The following ENOX2 variants were observed in gnomAD, a reference collection of about 807,000 sequenced individuals.
ENOX2 encodes APK1 antigen.
ENOX2 carries 36 observed loss-of-function variants against 45.0 expected under a neutral mutation model. That is an observed-to-expected ratio of 0.80 (90% CI 0.61 to 1.06). ENOX2 has a LOEUF of 1.06. Ranked by LOEUF, ENOX2 falls within the 50% of genes least tolerant of loss-of-function variation. ENOX2 has a pLI of 0.00. For synonymous variants in ENOX2, 174 were observed against 152.3 expected (o/e 1.14, Z -1.05); for missense variants, 423 against 462.5 (o/e 0.91, Z 0.78).
intron 3 of ENOX2, among the ~76,000 whole-genome samples, chrX:130,724,490 T>A (rs1475974087): frequency 8.9e-6 from 1 of 112,905 alleles, no homozygotes; most frequent in Non-Finnish European, 1.9e-5. Flanking sequence ...ATCCTACCCA[T>A]GGAGCCTGTG....
At chrX:130,795,184 C>G (rs2077102118) in intron 2 of ENOX2, among the ~76,000 whole-genome samples, 1 of 111,956 alleles carries the variant, frequency 8.9e-6, no homozygotes, top group Admixed American at 9.5e-5. Context: ...CTAATGCATC[C>G]TTAAAGATCC....
intron 3 of ENOX2, among the ~76,000 whole-genome samples, chrX:130,742,934 T>G (rs181344157): frequency 8.9e-6 from 1 of 112,031 alleles, no homozygotes; most frequent in African/African-American, 3.2e-5. Flanking sequence ...TCAAACCACA[T>G]GGATTCAAGA....
At chrX:130,709,185 G>A in intron 3 of ENOX2, 2 of 1,009,823 alleles carry the variant, frequency 2.0e-6, no homozygotes, top group South Asian at 1.9e-5. Context: ...GCCAATAAGT[G>A]TGTTTTTAAA....
chrX:130,711,762 C>T (rs111270623), intron 3 of ENOX2, among the ~76,000 whole-genome samples: 1,768 of 111,308 alleles, frequency 0.016, 11 homozygotes, highest in South Asian at 0.023. Context: ...TTGTTTTAGT[C>T]TATAAGCTAG....
rs5977341 is a variant in ENOX2, at chrX:130,667,761, T to G, written c.695-19A>C. The stretch of plus-strand genomic sequence containing the variant: ...GAATCATCTGAAAAAAATATATTTT[T>G]ATAACCAACAAAGGTAACCAAATTT... On this transcript the variant is annotated intron_variant, in intron 7 of 14. Coordinates refer to ENST00000394363, the MANE Select transcript of ENOX2 (RefSeq NM_006375.4). 1.7e-3 allele frequency: 1,973 copies of G among 1,151,679 alleles called. 22 individuals are homozygous for G. The African/African-American group carries it at 0.03, about 18-fold the overall frequency. The allele number at this position is 1,151,679 out of a possible 1,213,427, so 94.9% of individuals were successfully genotyped here. A position where few individuals can be genotyped will look rare whatever the true frequency, so the allele number is the denominator to read the frequency against.
At position 130,736,302 on chromosome X, in the gene ENOX2, G is replaced by T. The variant is rs75767523; in HGVS notation, c.-38-33048C>A. On this transcript the variant is annotated intron_variant, in intron 3 of 14. Transcript: ENST00000394363. ...TCGCTTGGGGAGGGGGAGGTTGCAG[G>T]GAGCCAAGATTGTGCCACCACACTC... Among the ~76,000 whole-genome samples, 971 of 109,787 alleles carry T rather than the reference G, an allele frequency of 8.8e-3. 15 individuals are homozygous for T. The highest frequency in any genetic ancestry group is 0.031 in the African/African-American group (931 of 30,078).
At position 130,842,832 on chromosome X, in the gene ENOX2, T is replaced by C. The variant is rs939948966; in HGVS notation, c.-183+58852A>G. ...CATTCCATCTTTATGCCTCATTTATTCTTTCTCTAAAATCAGGGACTCTTA... is the reference window on the plus strand; with the variant it reads ...CATTCCATCTTTATGCCTCATTTATCCTTTCTCTAAAATCAGGGACTCTTA... On this transcript the variant is annotated intron_variant, in intron 2 of 14. Transcript: ENST00000394363. 2.7e-5 allele frequency among the ~76,000 whole-genome samples: 3 copies of C among 111,795 alleles called. No individual in the cohort carries two copies. In the Admixed American group the frequency reaches 2.9e-4, roughly 11 times the overall value.
chrX:130,743,228 A>T (rs1002947209), intron 3 of ENOX2, among the ~76,000 whole-genome samples: 1 of 112,026 alleles, frequency 8.9e-6, no homozygotes, highest in Admixed American at 9.5e-5. Flanking sequence ...TACTAGAAAG[A>T]GCTAGGAGAT....
Position 130,632,844 on chromosome X carries a change from T to C in ENOX2, c.1420-1268A>G, listed in dbSNP as rs946192574. On this transcript the variant is annotated intron_variant, in intron 12 of 14. Coordinates refer to ENST00000394363, the MANE Select transcript of ENOX2 (RefSeq NM_006375.4). The stretch of plus-strand genomic sequence containing the variant: ...GGCCTTTAGAATCCAATCCAGGCAG[T>C]AACCATTATGCCAAGTTTGATTTAA... Among the ~76,000 whole-genome samples the C allele has an allele frequency of 5.3e-5, 6 of 112,297 alleles. No homozygotes were observed. In the Admixed American group the frequency reaches 5.7e-4, roughly 11 times the overall value.
At chrX:130,836,667 C>T (rs760930543) in intron 2 of ENOX2, among the ~76,000 whole-genome samples, 4 of 111,851 alleles carry the variant, frequency 3.6e-5, no homozygotes, top group African/African-American at 1.3e-4. Flanking sequence ...TGATAAGCTA[C>T]GTTCCTAGCT....
At chrX:130,824,024 C>A (rs1012634340) in intron 2 of ENOX2, among the ~76,000 whole-genome samples, 2 of 111,789 alleles carry the variant, frequency 1.8e-5, no homozygotes, top group African/African-American at 6.5e-5. Context: ...GCTGGAGTGG[C>A]CTTAGAGACT....
intron 2 of ENOX2, among the ~76,000 whole-genome samples, chrX:130,823,247 A>C (rs1271653535): frequency 8.9e-6 from 1 of 112,080 alleles, no homozygotes; most frequent in Non-Finnish European, 1.9e-5. Context: ...TGGGACAATG[A>C]AAAGTATAGA....
chrX:130,822,067 CAAAAAAAAAAAAA>C (rs759582186), intron 2 of ENOX2, among the ~76,000 whole-genome samples: 20 of 19,140 alleles, frequency 1.0e-3, no homozygotes, highest in Non-Finnish European at 1.6e-3. Context: ...GACTCCGTCT[CAAAAAAAAAAAAA>C]AAAAAAAAAA....
chrX:130,631,617 G>A (rs1041553991), intron 12 of ENOX2, 41 bp from the exon 13 acceptor site: 16 of 799,407 alleles, frequency 2.0e-5, no homozygotes, highest in Admixed American at 4.5e-5. Flanking sequence ...CACTTTATTT[G>A]GCAATAGAGT....
At position 130,632,077 on chromosome X, in the gene ENOX2, T is replaced by C. The variant is rs191858707; in HGVS notation, c.1420-501A>G. Among the ~76,000 whole-genome samples the C allele has an allele frequency of 5.5e-3, 616 of 111,343 alleles. 7 individuals are homozygous for C. Among genetic ancestry groups the C allele is most frequent in the African/African-American group, 0.019 (579 of 30,634 alleles). ...CTGTTAATGGTAAGTCCCATCTCAA[T>C]GGACAATCTACGTTGGCTACACTGC... On this transcript the variant is annotated intron_variant, in intron 12 of 14. Coordinates refer to ENST00000394363, the MANE Select transcript of ENOX2 (RefSeq NM_006375.4).
At chrX:130,825,368 G>A (rs1286322814) in intron 2 of ENOX2, among the ~76,000 whole-genome samples, 5 of 111,000 alleles carry the variant, frequency 4.5e-5, no homozygotes, top group Non-Finnish European at 7.6e-5. Context: ...CACCAACTTC[G>A]GGGGGGTACT....
At chrX:130,656,766 A>T (rs1292742379) in intron 9 of ENOX2, 71 bp from the exon 10 acceptor site, 11 of 624,431 alleles carry the variant, frequency 1.8e-5, no homozygotes, top group Non-Finnish European at 2.8e-5. Context: ...GGAGTTAAGG[A>T]TAAGATAAAG....
chrX:130,810,572 G>T (rs1166009241), intron 2 of ENOX2, among the ~76,000 whole-genome samples: 1 of 111,452 alleles, frequency 9.0e-6, no homozygotes, highest in Non-Finnish European at 1.9e-5. Context: ...AGCTAAGTAG[G>T]CCCATGTAGT....
intron 2 of ENOX2, among the ~76,000 whole-genome samples, chrX:130,840,731 GC>G (rs2078002201): frequency 9.1e-6 from 1 of 109,870 alleles, no homozygotes; most frequent in Non-Finnish European, 1.9e-5. Context: ...GTCAGGCTTG[GC>G]AGTGCATGCC....
Sources: allele counts gnomAD v4.1 joint callset (sites outside exome capture counted in the v4.1 genomes callset), GRCh38; gene constraint gnomAD v4.1.1; transcripts MANE v1.5; gene names NCBI Gene and HGNC (gene_info 2026-07-23, HGNC 2026-07-21).